Variants in ENPP3 observed in about 807,000 individuals in gnomAD.
ENPP3 encodes the protein ectonucleotide pyrophosphatase/phosphodiesterase 3.
Under a neutral mutation model 117.8 loss-of-function variants are expected in ENPP3, and 104 were observed. That is an observed-to-expected ratio of 0.88 (90% confidence interval 0.75 to 1.04). The LOEUF (loss-of-function observed/expected upper bound fraction) is 1.04, where lower values mean the gene tolerates loss of function less well. ENPP3 is among the 50% of genes least tolerant of loss of function. The probability of loss-of-function intolerance (pLI) is 0.00; values close to 1 mark genes in which losing one functional copy is unlikely to be tolerated. For synonymous variants in ENPP3, 380 were observed against 349.9 expected (o/e 1.09, Z -0.96); for missense variants, 1,026 against 1,051.9 (o/e 0.98, Z 0.34).
At chr6:131,741,054 A>G (rs901777018) in intron 24 of ENPP3, among the ~76,000 whole-genome samples, 2 of 152,196 alleles carry the variant, frequency 1.3e-5, no homozygotes, top group Non-Finnish European at 2.9e-5. Flanking sequence ...ACACAAACAC[A>G]CACACACAGT....
intron 15 of ENPP3, chr6:131,701,436 T>A: frequency 6.6e-7 from 1 of 1,504,482 alleles, no homozygotes; most frequent in Non-Finnish European, 9.2e-7. Flanking sequence ...TTAATGCTCA[T>A]GGTTTAGGAG....
At chr6:131,725,790 A>T (rs1780141807) in intron 19 of ENPP3, among the ~76,000 whole-genome samples, 2 of 152,190 alleles carry the variant, frequency 1.3e-5, no homozygotes, top group African/African-American at 4.8e-5. Flanking sequence ...TGCTTGGCCA[A>T]CTTACTTATG....
chr6:131,650,229 C>T (rs1167129513), intron 3 of ENPP3, 80 bp downstream of exon 3: 4 of 1,504,238 alleles, frequency 2.7e-6, no homozygotes, highest in Non-Finnish European at 2.8e-6. Flanking sequence ...CTTTTCTTTC[C>T]TTTTTTTTGA....
At chr6:131,677,738 A>G in intron 10 of ENPP3, 130 bp from the exon 11 acceptor site, 1 of 618,912 alleles carries the variant, frequency 1.6e-6, no homozygotes, top group South Asian at 2.0e-5. Flanking sequence ...CTGGGTCTGA[A>G]CAAGGAGGAG....
intron 20 of ENPP3, among the ~76,000 whole-genome samples, chr6:131,730,382 A>G (rs62423458): frequency 0.059 from 8,936 of 152,256 alleles, 465 homozygotes; most frequent in Middle Eastern, 0.14. Flanking sequence ...AGACTCTGCC[A>G]CCTGAAGGAG....
At chr6:131,743,348 T>C (rs913751394) in intron 24 of ENPP3, among the ~76,000 whole-genome samples, 2 of 152,172 alleles carry the variant, frequency 1.3e-5, no homozygotes, top group African/African-American at 4.8e-5. Flanking sequence ...GTTCAGTGAA[T>C]GACTTCGTTT....
intron 15 of ENPP3, chr6:131,709,572 T>G (rs1289337164): frequency 6.2e-7 from 1 of 1,613,690 alleles, no homozygotes; most frequent in Non-Finnish European, 8.5e-7. Context: ...TGTGAGCATT[T>G]TCTTTCCTTA....
chr6:131,731,609 A>G (rs893917809), intron 20 of ENPP3, among the ~76,000 whole-genome samples: 18 of 152,232 alleles, frequency 1.2e-4, no homozygotes, highest in Middle Eastern at 6.8e-3. Context: ...CATACTGTCT[A>G]TCCCTTTTTG....
chr6:131,724,516 C>T (rs1361363972), intron 19 of ENPP3, among the ~76,000 whole-genome samples: 2 of 152,250 alleles, frequency 1.3e-5, no homozygotes, highest in East Asian at 3.9e-4. Context: ...AAAGTTAATA[C>T]ATGGAAAGAA....
chr6:131,689,380 T>G (rs1401254235), intron 14 of ENPP3, among the ~76,000 whole-genome samples: 2 of 152,118 alleles, frequency 1.3e-5, no homozygotes, highest in Non-Finnish European at 2.9e-5. Context: ...GAGCCAATGT[T>G]CATTCTGAAA....
In ENPP3 at chr6:131,705,879, C is replaced by T. The variant is rs1169509473; in HGVS notation, c.1412+12255C>T. 9.9e-5 allele frequency among the ~76,000 whole-genome samples: 13 copies of T among 131,730 alleles called. 3 individuals carry two copies. Among genetic ancestry groups the T allele is most frequent in the African/African-American group, 4.0e-4 (11 of 27,452 alleles). 86.4% of individuals were successfully genotyped at this position (131,730 alleles called of 152,430 possible). On this transcript the variant is annotated intron_variant, in intron 15 of 24. Transcript: ENST00000357639. ...TCATATTGCCAACTGATGTCATAGC[C>T]GTAATAATATTGTAGCACAATGCAT... is the stretch of plus-strand genomic sequence containing the variant.
In ENPP3 at chr6:131,679,089, T is replaced by TTTCTTTCTTTCTTTCTTTC. The variant is rs1562447085; in HGVS notation, c.1011+1149_1011+1150insTTCTTTCTTTCTTTCTTTC. On this transcript the variant is annotated intron_variant, in intron 11 of 24. Transcript: ENST00000357639. ...TCTTTCTTTCTTTCTTTCTTTCTTTTCTTCTTTCTTTCTTTCCTTTTTTGA... is the reference window on the plus strand; with the variant it reads ...TCTTTCTTTCTTTCTTTCTTTCTTTTTTCTTTCTTTCTTTCTTTCCTTCTTTCTTTCTTTCCTTTTTTGA... Among the ~76,000 whole-genome samples, 10 of 80,534 alleles carry TTTCTTTCTTTCTTTCTTTC rather than the reference T, an allele frequency of 1.2e-4. 2 individuals carry two copies. Among genetic ancestry groups the TTTCTTTCTTTCTTTCTTTC allele is most frequent in the African/African-American group, 4.9e-4 (8 of 16,404 alleles). The allele number at this position is 80,534 out of a possible 152,430, so 52.8% of individuals were successfully genotyped here.
chr6:131,673,335 C>A (rs9321307), intron 7 of ENPP3, among the ~76,000 whole-genome samples: 36,039 of 151,946 alleles, frequency 0.24, 6,231 homozygotes, highest in African/African-American at 0.47. Context: ...AAAGTGGTAC[C>A]TATACACCAT....
intron 5 of ENPP3, among the ~76,000 whole-genome samples, chr6:131,656,926 A>T (rs561112298): frequency 9.9e-5 from 15 of 152,272 alleles, no homozygotes; most frequent in Non-Finnish European, 2.1e-4. Flanking sequence ...TGGCCATTAA[A>T]AAAGGGGTGC....
At chr6:131,743,131 C>T (rs1423332443) in intron 24 of ENPP3, among the ~76,000 whole-genome samples, 1 of 151,570 alleles carries the variant, frequency 6.6e-6, no homozygotes, top group East Asian at 1.9e-4. Flanking sequence ...AAGGGAAAGG[C>T]AAGATGAGAG....
intron 19 of ENPP3, among the ~76,000 whole-genome samples, chr6:131,725,080 G>A (rs958232976): frequency 2.0e-5 from 3 of 151,338 alleles, no homozygotes; most frequent in Non-Finnish European, 2.9e-5. Flanking sequence ...AAAATTAGTT[G>A]GGCATGATGG....
At chr6:131,638,062 G>C (rs1250602057) in intron 1 of ENPP3, among the ~76,000 whole-genome samples, 1 of 146,532 alleles carries the variant, frequency 6.8e-6, no homozygotes, top group Non-Finnish European at 1.5e-5. Flanking sequence ...TTTTCCCTTT[G>C]CCATCAAACT....
intron 18 of ENPP3, among the ~76,000 whole-genome samples, chr6:131,723,434 A>C (rs1374169599): frequency 6.6e-6 from 1 of 152,222 alleles, no homozygotes; most frequent in East Asian, 1.9e-4. Flanking sequence ...TAATAACATT[A>C]CTTACTAGGT....
intron 15 of ENPP3, among the ~76,000 whole-genome samples, chr6:131,706,446 C>T (rs4897533): frequency 0.052 from 7,296 of 141,542 alleles, 192 homozygotes; most frequent in East Asian, 0.23. Context: ...TCATAGGAGA[C>T]GACAGCCTCA....
Sources: allele counts gnomAD v4.1 joint callset (sites outside exome capture counted in the v4.1 genomes callset), GRCh38; gene constraint gnomAD v4.1.1; transcripts MANE v1.5; gene names NCBI Gene and HGNC (gene_info 2026-07-23, HGNC 2026-07-21).